The following CAMK1G variants were observed in gnomAD, a reference collection of about 807,000 sequenced individuals.
CAMK1G encodes the protein calcium/calmodulin dependent protein kinase IG.
A neutral mutation model predicts 54.8 loss-of-function variants in CAMK1G; 27 were observed. The ratio of observed to expected loss-of-function variants is 0.49; its 90% CI spans 0.36 to 0.68. The LOEUF (loss-of-function observed/expected upper bound fraction) is 0.68, where lower values mean the gene tolerates loss of function less well. Ranked by LOEUF, CAMK1G falls within the 30% of genes least tolerant of loss-of-function variation. CAMK1G has a pLI of 0.00. For missense variants in CAMK1G, 512 were observed against 591.0 expected (o/e 0.87, Z 1.39); for synonymous variants, 238 against 224.9 (o/e 1.06, Z -0.52).
In CAMK1G at chr1:209,612,912, G is replaced by A. The variant is rs1345014011; in HGVS notation, c.*37G>A. 8 of 1,390,410 alleles carry A rather than the reference G, an allele frequency of 5.8e-6. No individual in the cohort carries two copies. Among genetic ancestry groups the A allele is most frequent in the Middle Eastern group, 1.8e-4 (1 of 5,436 alleles). The allele number at this position is 1,390,410 out of a possible 1,614,324, so 86.1% of individuals were successfully genotyped here. A position where few individuals can be genotyped will look rare whatever the true frequency, so the allele number is the denominator to read the frequency against. On this transcript the variant is annotated splice_region_variant and 3_prime_UTR_variant, in exon 12 of 13. Transcript: ENST00000361322. ...TGTGCCTATGTCACTGCAATTTTCA[G>A]GTTAGGAGGGTCACAGTGTGAGGCT...
At position 209,609,207 on chromosome 1, in the gene CAMK1G, A is replaced by C. The variant is rs543168975; in HGVS notation, c.748+115A>C. 7.4e-6 allele frequency: 9 copies of C among 1,211,988 alleles called. No homozygotes were observed. The South Asian group carries it at 8.4e-5, about 11-fold the overall frequency. The allele number at this position is 1,211,988 out of a possible 1,614,324, so 75.1% of individuals were successfully genotyped here. A position where few individuals can be genotyped will look rare whatever the true frequency, so the allele number is the denominator to read the frequency against. On this transcript the variant is annotated intron_variant, in intron 8 of 12. Transcript: ENST00000361322. ...TCTTCAAAGTCCCTGGGGATCTTACAGAACAGGCTGCCAAGGAAAGTGGAG... is the reference window on the plus strand; with the variant it reads ...TCTTCAAAGTCCCTGGGGATCTTACCGAACAGGCTGCCAAGGAAAGTGGAG...
chr1:209,597,541 A>C (rs1183777025), intron 2 of CAMK1G, among the ~76,000 whole-genome samples: 1 of 152,202 alleles, frequency 6.6e-6, no homozygotes, highest in South Asian at 2.1e-4. Context: ...CAGGTTTCTT[A>C]AGAATGGAAA....
At chr1:209,597,204 C>A (rs374563639) in intron 2 of CAMK1G, among the ~76,000 whole-genome samples, 10 of 152,198 alleles carry the variant, frequency 6.6e-5, no homozygotes, top group Admixed American at 2.6e-4. Context: ...GTTGTCTGCT[C>A]GGGCAGGAAA....
chr1:209,609,136 G>A (rs760183038), intron 8 of CAMK1G, 44 bp downstream of exon 8: 4 of 1,612,540 alleles, frequency 2.5e-6, no homozygotes, highest in African/African-American at 2.7e-5. Flanking sequence ...GCTCAAGGTA[G>A]AGGCTGCCAA....
intron 1 of CAMK1G, among the ~76,000 whole-genome samples, chr1:209,592,321 G>A (rs1665276800): frequency 7.3e-6 from 1 of 137,180 alleles, no homozygotes; most frequent in Non-Finnish European, 1.5e-5. Context: ...CTCTAGCCTG[G>A]GTAATAGAGC....
At chr1:209,589,970 C>A (rs1225124871) in intron 1 of CAMK1G, among the ~76,000 whole-genome samples, 1 of 152,086 alleles carries the variant, frequency 6.6e-6, no homozygotes, top group Admixed American at 6.6e-5. Flanking sequence ...AGGTGCCAGG[C>A]GCCTGAACCA....
chr1:209,604,302 G>T (rs984226766), intron 4 of CAMK1G, among the ~76,000 whole-genome samples: 1 of 152,172 alleles, frequency 6.6e-6, no homozygotes, highest in African/African-American at 2.4e-5. Context: ...GCACTACAAT[G>T]AGGCCAAGCC....
At chr1:209,605,493 G>C in intron 4 of CAMK1G, 43 bp from the exon 5 acceptor site, 7 of 1,598,556 alleles carry the variant, frequency 4.4e-6, no homozygotes, top group Non-Finnish European at 6.0e-6. Context: ...ATTACTTTGA[G>C]TGAAATGAGA....
chr1:209,600,113 T>A lies in CAMK1G; in HGVS notation c.221+2T>A. 2 of 1,613,094 alleles carry A rather than the reference T, an allele frequency of 1.2e-6. No individual in the cohort carries two copies. Among genetic ancestry groups the A allele is most frequent in the South Asian group, 2.2e-5 (2 of 91,066 alleles). The stretch of plus-strand genomic sequence containing the variant: ...GAATGAGATTGCTGTGTTGAAAAAG[T>A]GAGTGGGTCTTAGTGTTGACTGGAT... On this transcript the variant is annotated splice_donor_variant, in intron 3 of 12. Transcript: ENST00000361322. LOFTEE classifies it high-confidence loss of function.
chr1:209,609,031 GAAGATC>G lies in CAMK1G; in HGVS notation c.691_696del (p.Ile231_Lys232del). 6.2e-7 allele frequency: 1 copy of G among 1,614,192 alleles called. No homozygotes were observed. Among genetic ancestry groups the G allele is most frequent in the East Asian group, 2.2e-5 (1 of 44,890 alleles). ...AAGAAACGGAGTCTAAGCTTTTCGA[GAAGATC>G]AAGGAGGGCTACTATGAGTTTGAGT... On this transcript the variant is annotated inframe_deletion, in exon 8 of 13. Transcript: ENST00000361322.
chr1:209,592,297 A>T (rs1665276279), intron 1 of CAMK1G, among the ~76,000 whole-genome samples: 1 of 148,736 alleles, frequency 6.7e-6, no homozygotes, highest in Non-Finnish European at 1.5e-5. Flanking sequence ...GTAAGGAATG[A>T]TCACACCACT....
At position 209,611,796 on chromosome 1, in the gene CAMK1G, C is replaced by G. The variant is rs763192311; in HGVS notation, c.920C>G (p.Ala307Gly). 1.2e-6 allele frequency: 2 copies of G among 1,613,322 alleles called. No individual in the cohort carries two copies. Among genetic ancestry groups the G allele is most frequent in the African/African-American group, 1.3e-5 (1 of 74,932 alleles). The change falls in exon 11 of 13, where the codon GCC becomes GGC. Residue 307 changes from alanine to glycine, a missense_variant. Transcript: ENST00000361322. ...KNFAKSKWRQ[A>G]FNAAAVVHHM... Reference sequence around the variant, plus strand: ...GCTGCTCTTGTGTCTCCTTAGCAAGCCTTCAACGCAGCAGCTGTGGTGCAC... The same window carrying G: ...GCTGCTCTTGTGTCTCCTTAGCAAGGCTTCAACGCAGCAGCTGTGGTGCAC...
chr1:209,598,480 T>C (rs952981994), intron 2 of CAMK1G, among the ~76,000 whole-genome samples: 5 of 152,238 alleles, frequency 3.3e-5, no homozygotes, highest in Non-Finnish European at 7.3e-5. Context: ...TAGTGGCTTC[T>C]TTTTAGTGGG....
chr1:209,591,602 A>G (rs1665252395), intron 1 of CAMK1G, among the ~76,000 whole-genome samples: 1 of 152,220 alleles, frequency 6.6e-6, no homozygotes, highest in Non-Finnish European at 1.5e-5. Context: ...TCAGGAAAAC[A>G]TAGCCTTGAG....
rs559653400 is a variant in CAMK1G at position 209,590,393 on chromosome 1, A to T, written c.-29-4562A>T. ...AAAGCCAAAGCTATGGGGGTTTCAG[A>T]TCTGGGCCTTTGAGTTTTCCACATT... On this transcript the variant is annotated intron_variant, in intron 1 of 12. Transcript: ENST00000361322. Among the ~76,000 whole-genome samples the T allele has an allele frequency of 5.9e-5, 9 of 152,302 alleles. No homozygotes were observed. In the East Asian group the frequency reaches 1.7e-3, roughly 29 times the overall value.
At chr1:209,584,163 G>T (rs1665035110) in intron 1 of CAMK1G, among the ~76,000 whole-genome samples, 1 of 152,104 alleles carries the variant, frequency 6.6e-6, no homozygotes, top group Non-Finnish European at 1.5e-5. Flanking sequence ...CAACTCTCTT[G>T]CACCCCTCCC....
In CAMK1G at chr1:209,612,074, A is replaced by G; in HGVS notation, c.1198A>G (p.Ser400Gly). The G allele has an allele frequency of 6.2e-7, 1 of 1,614,190 alleles. No homozygotes were observed. ...NCLVNGSLHI[S>G]SSLVPMHQGS... ...CCTGGTCAATGGCTCCCTCCACATC[A>G]GCAGCAGCCTGGTGCCCATGCATCA... The change falls in exon 11 of 13, where the codon AGC becomes GGC. Residue 400 changes from serine to glycine, a missense_variant. Ser to Gly is a moderately conservative substitution (Grantham distance 56). This residue lies in a region of CAMK1G where 315 missense variants were observed against 330.5 expected (regional missense o/e 0.95). Coordinates refer to ENST00000361322, the MANE Select transcript of CAMK1G (RefSeq NM_020439.3).
At chr1:209,607,796 C>G in intron 6 of CAMK1G, 62 bp from the exon 7 acceptor site, 1 of 1,417,332 alleles carries the variant, frequency 7.1e-7, no homozygotes, top group Middle Eastern at 1.8e-4. Flanking sequence ...TGGCCTTCAG[C>G]TCCCACCCCA....
chr1:209,596,659 CACCACACACACACA>C (rs1229494351), intron 2 of CAMK1G, among the ~76,000 whole-genome samples: 1,859 of 124,950 alleles, frequency 0.015, 40 homozygotes, highest in African/African-American at 0.051. Context: ...ATCACACACA[CACCACACACACACA>C]CACACACACA....
Sources: allele counts gnomAD v4.1 joint callset (sites outside exome capture counted in the v4.1 genomes callset), GRCh38; gene constraint gnomAD v4.1.1; regional missense constraint gnomAD v4.1.1; transcripts MANE v1.5; gene names NCBI Gene and HGNC (gene_info 2026-07-23, HGNC 2026-07-21).